EIF4G3: variants seen among roughly 807,000 people sequenced by gnomAD.
EIF4G3 encodes eIF-4-gamma 3.
In EIF4G3, 34 loss-of-function variants were observed where a neutral mutation model predicts 186.4. That is an observed-to-expected ratio of 0.18 (90% confidence interval 0.14 to 0.24). The LOEUF (loss-of-function observed/expected upper bound fraction) is 0.24. Among genes scored for constraint, EIF4G3 ranks in the 10% least tolerant of loss-of-function variants. The probability of loss-of-function intolerance (pLI) is 1.00; values close to 1 mark genes in which losing one functional copy is unlikely to be tolerated. For synonymous variants in EIF4G3, 673 were observed against 679.5 expected (o/e 0.99, Z 0.15); for missense variants, 1,536 against 1,948.5 (o/e 0.79, Z 3.99).
At chr1:20,887,581 C>T (rs1221926145) in intron 18 of EIF4G3, among the ~76,000 whole-genome samples, 1 of 151,724 alleles carries the variant, frequency 6.6e-6, no homozygotes, top group Non-Finnish European at 1.5e-5. Flanking sequence ...CAAAATTTCA[C>T]ACCAATCTTG....
intron 2 of EIF4G3, among the ~76,000 whole-genome samples, chr1:21,131,029 C>G (rs2097142297): frequency 6.6e-6 from 1 of 151,858 alleles, no homozygotes; most frequent in Admixed American, 6.6e-5. Flanking sequence ...CACCTGAGAT[C>G]AGGAGTTCAA....
In EIF4G3 at chr1:21,125,216, T is replaced by C. The variant is rs537542132; in HGVS notation, c.-271-36003A>G. Among the ~76,000 whole-genome samples, 5 of 152,260 alleles carry C rather than the reference T, an allele frequency of 3.3e-5. No homozygotes were observed. The South Asian group carries it at 1.0e-3, about 32-fold the overall frequency. On this transcript the variant is annotated intron_variant, in intron 2 of 36. Transcript: ENST00000602326. ...TTCTACGTATGCAGCATATGAGATA[T>C]AAAGAAAAGCTTTTAAAAAGATGAG...
chr1:21,153,321 T>C (rs1558210724), intron 2 of EIF4G3, among the ~76,000 whole-genome samples: 2 of 152,246 alleles, frequency 1.3e-5, no homozygotes. Context: ...AATAGCACTA[T>C]CATTCTTTTA....
intron 14 of EIF4G3, among the ~76,000 whole-genome samples, chr1:20,935,625 T>C (rs968724449): frequency 1.3e-5 from 2 of 152,226 alleles, no homozygotes; most frequent in African/African-American, 4.8e-5. Context: ...TAAAAGCACA[T>C]AATGTGTAAT....
chr1:20,935,446 A>T (rs1173211892), intron 14 of EIF4G3, among the ~76,000 whole-genome samples: 3 of 152,190 alleles, frequency 2.0e-5, no homozygotes, highest in Non-Finnish European at 2.9e-5. Context: ...AAGGAAATGT[A>T]TTTTGGGCAT....
At chr1:21,124,085 G>A (rs2096978488) in intron 2 of EIF4G3, among the ~76,000 whole-genome samples, 1 of 152,160 alleles carries the variant, frequency 6.6e-6, no homozygotes, top group Non-Finnish European at 1.5e-5. Flanking sequence ...GAGGTCAGGA[G>A]TTCCAGACCA....
chr1:20,810,244 T>A lies in EIF4G3; in HGVS notation c.4744+494A>T, dbSNP rs1477191862. 6.6e-6 allele frequency among the ~76,000 whole-genome samples: 1 copy of A among 151,972 alleles called. No homozygotes were observed. Among genetic ancestry groups the A allele is most frequent in the East Asian group, 1.9e-4 (1 of 5,182 alleles). Reference sequence around the variant, plus strand: ...CTCTTGGATCACTGTAACCTCCGCCTCCTGGGTTCAAGCGATTCTCCTGCC... The same window carrying A: ...CTCTTGGATCACTGTAACCTCCGCCACCTGGGTTCAAGCGATTCTCCTGCC... On this transcript the variant is annotated intron_variant, in intron 36 of 36. Transcript: ENST00000602326. The surrounding 1 kb of genome is among the most constrained non-coding windows in gnomAD (Gnocchi z 4.1).
At chr1:20,999,003 T>C (rs1047100116) in intron 6 of EIF4G3, among the ~76,000 whole-genome samples, 8 of 152,196 alleles carry the variant, frequency 5.3e-5, no homozygotes, top group African/African-American at 1.9e-4. Context: ...CAATAGTGAT[T>C]TGCAAAACAT....
At chr1:20,856,407 G>C (rs1305502593) in intron 25 of EIF4G3, among the ~76,000 whole-genome samples, 2 of 152,132 alleles carry the variant, frequency 1.3e-5, no homozygotes, top group Non-Finnish European at 2.9e-5. Flanking sequence ...GGAAGTATAA[G>C]GATCAAACTA....
chr1:21,092,518 T>C (rs1030224307), intron 2 of EIF4G3, among the ~76,000 whole-genome samples: 5 of 152,150 alleles, frequency 3.3e-5, no homozygotes, highest in African/African-American at 4.8e-5. Context: ...AAAATGGCCA[T>C]ACTGCCCAAG....
chr1:21,011,516 C>A (rs544003877), intron 4 of EIF4G3, among the ~76,000 whole-genome samples: 87 of 152,294 alleles, frequency 5.7e-4, no homozygotes, highest in Admixed American at 5.7e-3. Flanking sequence ...AGTTTCACTA[C>A]AGATGCATGC....
intron 29 of EIF4G3, among the ~76,000 whole-genome samples, chr1:20,844,413 T>G (rs2069914308): frequency 6.6e-6 from 1 of 152,232 alleles, no homozygotes; most frequent in African/African-American, 2.4e-5. Flanking sequence ...TATTGAGCTT[T>G]TTTATCTTGT....
intron 14 of EIF4G3, among the ~76,000 whole-genome samples, chr1:20,916,984 T>C (rs1402090658): frequency 2.0e-5 from 3 of 152,212 alleles, no homozygotes. Context: ...CCATTTCATC[T>C]ATACATATTC....
At chr1:20,884,742 A>G (rs11805363) in intron 19 of EIF4G3, among the ~76,000 whole-genome samples, 15,953 of 152,204 alleles carry the variant, frequency 0.1, 1,149 homozygotes, top group East Asian at 0.33. Context: ...GTTTGACAGC[A>G]TGGCTAGTTG....
intron 20 of EIF4G3, among the ~76,000 whole-genome samples, chr1:20,875,704 G>C (rs2080562014): frequency 6.6e-6 from 1 of 152,122 alleles, no homozygotes; most frequent in African/African-American, 2.4e-5. Context: ...TTGAGCCCAG[G>C]AGTTTACGAC....
intron 14 of EIF4G3, among the ~76,000 whole-genome samples, chr1:20,916,173 G>T (rs888533235): frequency 2.6e-5 from 4 of 152,048 alleles, no homozygotes; most frequent in African/African-American, 9.7e-5. Context: ...CCATTATTTA[G>T]AGAATTAAAG....
intron 19 of EIF4G3, among the ~76,000 whole-genome samples, chr1:20,883,225 G>T (rs1034729740): frequency 1.3e-5 from 2 of 152,102 alleles, no homozygotes; most frequent in African/African-American, 4.8e-5. Flanking sequence ...ATTTAAAAAC[G>T]AAGTGATAAA....
At chr1:21,048,242 A>C (rs1014528488) in intron 4 of EIF4G3, among the ~76,000 whole-genome samples, 2 of 152,182 alleles carry the variant, frequency 1.3e-5, no homozygotes, top group Non-Finnish European at 2.9e-5. Context: ...GTCAAATCAC[A>C]ACTTGAAACA....
intron 3 of EIF4G3, among the ~76,000 whole-genome samples, chr1:21,083,037 C>CAAAAAAAAAAAAAA (rs544781256): frequency 2.9e-4 from 19 of 66,424 alleles, no homozygotes; most frequent in South Asian, 6.8e-4. Flanking sequence ...GACTCTGTCT[C>CAAAAAAAAAAAAAA]AAAAAAAAAA....
Sources: gnomAD v4.1 joint callset for allele counts (sites outside exome capture counted in the v4.1 genomes callset) on GRCh38, gnomAD v4.1.1 for gene constraint, Gnocchi (gnomAD v3.1) non-coding constraint, MANE v1.5 for transcripts, NCBI Gene and HGNC (gene_info 2026-07-23, HGNC 2026-07-21) for gene names.